Variants in SYBU observed in about 807,000 individuals in gnomAD.
SYBU encodes the protein syntabulin, also known as GOLSYN A protein.
Under a neutral mutation model 35.9 loss-of-function variants are expected in SYBU, and 21 were observed. The ratio of observed to expected loss-of-function variants is 0.58; its 90% CI spans 0.41 to 0.84. The LOEUF is 0.84. Among genes scored for constraint, SYBU ranks in the 40% least tolerant of loss-of-function variants. SYBU has a pLI of 0.00. For missense variants in SYBU, 768 were observed against 848.2 expected, an observed-to-expected ratio of 0.91 and a Z score of 1.17; for synonymous variants, 319 against 324.3, an observed-to-expected ratio of 0.98 and a Z score of 0.18.
In SYBU at chr8:109,659,903, A is replaced by G. The variant is rs181802078; in HGVS notation, c.-129+20808T>C. ...TTTTTTAATTTATTGACCAGATCCT[A>G]AGTAAATTTATTATGTGCAAATATA... On this transcript the variant is annotated intron_variant, in intron 1 of 5. Coordinates refer to the SYBU transcript ENST00000408889. Among the ~76,000 whole-genome samples the G allele has an allele frequency of 1.4e-4, 21 of 152,280 alleles. No individual in the cohort carries two copies. The East Asian group carries it at 4.0e-3, about 29-fold the overall frequency.
At position 109,623,471 on chromosome 8, in the gene SYBU, T is replaced by C. The variant is rs183740993; in HGVS notation, c.230-4432A>G. Among the ~76,000 whole-genome samples the C allele has an allele frequency of 1.1e-3, 171 of 152,260 alleles. 2 individuals carry two copies. The East Asian group carries it at 0.03, about 27-fold the overall frequency. Reference sequence around the variant, plus strand: ...GGTTGTGGGCTATCTAAAGTACTGTTAAAAATATATGTCTATGGAATGGAA... The same window carrying C: ...GGTTGTGGGCTATCTAAAGTACTGTCAAAAATATATGTCTATGGAATGGAA... On this transcript the variant is annotated intron_variant, in intron 2 of 6. Coordinates refer to ENST00000276646, the MANE Select transcript of SYBU (RefSeq NM_001099754.2).
upstream of SYBU, chr8:109,648,074 T>G (rs1028512386): frequency 1.3e-5 from 2 of 152,112 alleles, no homozygotes; most frequent in Middle Eastern, 3.2e-3. Flanking sequence ...TGGTCTTCTT[T>G]CCCCTGCTTT....
At chr8:109,674,620 A>C (rs1817116893) in intron 1 of SYBU, among the ~76,000 whole-genome samples, 2 of 152,112 alleles carry the variant, frequency 1.3e-5, no homozygotes, top group African/African-American at 4.8e-5. Context: ...AAGAAACTGC[A>C]TCAACTAATG....
At chr8:109,670,214 G>A (rs1260119196) in intron 1 of SYBU, among the ~76,000 whole-genome samples, 2 of 151,808 alleles carry the variant, frequency 1.3e-5, no homozygotes, top group African/African-American at 4.8e-5. Flanking sequence ...TGAATACTAA[G>A]CAGTTTAAAT....
chr8:109,665,340 C>T (rs1006305083), intron 1 of SYBU, among the ~76,000 whole-genome samples: 3 of 152,162 alleles, frequency 2.0e-5, no homozygotes, highest in Admixed American at 6.5e-5. Flanking sequence ...GCTTGATAAC[C>T]GTGTGCCTCA....
At chr8:109,577,223 T>C (rs1409092783) in intron 6 of SYBU, among the ~76,000 whole-genome samples, 1 of 152,298 alleles carries the variant, frequency 6.6e-6, no homozygotes, top group East Asian at 1.9e-4. Context: ...ACCCTCACCC[T>C]GAGCTCACAG....
At chr8:109,682,776 C>T (rs1458013997), upstream of SYBU, among the ~76,000 whole-genome samples, 1 of 152,164 alleles carries the variant, frequency 6.6e-6, no homozygotes, top group East Asian at 1.9e-4. Flanking sequence ...ATCACAGACC[C>T]AGAGGCCTAG....
intron 3 of SYBU, among the ~76,000 whole-genome samples, chr8:109,603,140 T>G (rs1825717743): frequency 6.6e-6 from 1 of 152,182 alleles, no homozygotes; most frequent in South Asian, 2.1e-4. Context: ...CTGTCTTCCT[T>G]CTCGAGCTGG....
intron 2 of SYBU, among the ~76,000 whole-genome samples, chr8:109,628,262 C>A (rs545490745): frequency 6.6e-6 from 1 of 151,876 alleles, no homozygotes; most frequent in Admixed American, 6.6e-5. Context: ...AATCCCAGCA[C>A]TTTTGGGAGG....
At chr8:109,680,940 A>C (rs1388726585) in exon 1 of SYBU, 1 of 152,248 alleles carries the variant, frequency 6.6e-6, no homozygotes, top group Non-Finnish European at 1.5e-5. Flanking sequence ...TGCAGTTTGC[A>C]TTCCTGCTTA....
chr8:109,684,839 C>T (rs189579941), upstream of SYBU, among the ~76,000 whole-genome samples: 206 of 152,264 alleles, frequency 1.4e-3, 2 homozygotes, highest in African/African-American at 4.2e-3. Flanking sequence ...GGATTTTATG[C>T]TTTTCCCCAT....
Position 109,618,988 on chromosome 8 carries a change from G to A in SYBU, c.281C>T (p.Ser94Leu), listed in dbSNP as rs1292829735. The change falls in exon 3 of 7, where the codon TCA (serine) becomes TTA (leucine). Residue 94 changes from serine (S) to leucine (L), a missense_variant. Physicochemically the swap from Ser to Leu is moderately radical, Grantham distance 145. Coordinates refer to ENST00000276646, the MANE Select transcript of SYBU (RefSeq NM_001099754.2). ...SQSVSPVKTP[S>L]DAGNSPIGFC... ...GCCAATGGGGCTGTTTCCAGCATCTGAGGGTGTCTTCACAGGAGACACTGA... is the reference window on the plus strand; with the variant it reads ...GCCAATGGGGCTGTTTCCAGCATCTAAGGGTGTCTTCACAGGAGACACTGA... 2 of 1,614,154 alleles carry A rather than the reference G, an allele frequency of 1.2e-6. No homozygotes were observed. Among genetic ancestry groups the A allele is most frequent in the Admixed American group, 1.7e-5 (1 of 60,028 alleles).
Position 109,586,179 on chromosome 8 carries a change from G to C in SYBU, c.428-17C>G. On this transcript the variant is annotated splice_polypyrimidine_tract_variant and intron_variant, in intron 3 of 6. Transcript: ENST00000276646. ...CTTCACTACCTGAAAAACAACAGGG[G>C]AGAGAGAAGCGTGAGGGAAAGGAAA... 6.3e-7 allele frequency: 1 copy of C among 1,579,184 alleles called. No individual in the cohort carries two copies. Among genetic ancestry groups the C allele is most frequent in the Non-Finnish European group, 8.6e-7 (1 of 1,157,576 alleles).
At chr8:109,577,613 C>T (rs1822483856) in intron 6 of SYBU, among the ~76,000 whole-genome samples, 1 of 151,610 alleles carries the variant, frequency 6.6e-6, no homozygotes, top group South Asian at 2.1e-4. Context: ...CACTGCAAAA[C>T]AACAACAACA....
intron 1 of SYBU, among the ~76,000 whole-genome samples, chr8:109,687,408 T>C (rs937362657): frequency 1.3e-5 from 2 of 152,170 alleles, no homozygotes; most frequent in African/African-American, 4.8e-5. Flanking sequence ...TACAATCTCA[T>C]CTCATACAAA....
intron 3 of SYBU, among the ~76,000 whole-genome samples, chr8:109,607,688 A>T (rs1243850850): frequency 6.6e-6 from 1 of 152,210 alleles, no homozygotes; most frequent in Non-Finnish European, 1.5e-5. Flanking sequence ...GACAAAGAGT[A>T]TTTAAAATAA....
At chr8:109,607,919 T>A in intron 3 of SYBU, 1 of 1,523,086 alleles carries the variant, frequency 6.6e-7, no homozygotes, top group Non-Finnish European at 8.8e-7. Context: ...ACTTAGAAGG[T>A]AAGCTCCATA....
At chr8:109,607,808 TCACACACACACACACA>T (rs71305960) in intron 3 of SYBU, 67 of 377,192 alleles carry the variant, frequency 1.8e-4, no homozygotes, top group South Asian at 1.1e-3. Flanking sequence ...CACAACTAAC[TCACACACACACACACA>T]CACACACACA....
intron 5 of SYBU, 53 bp downstream of exon 5, chr8:109,579,746 A>T: frequency 6.6e-7 from 1 of 1,510,448 alleles, no homozygotes; most frequent in Non-Finnish European, 9.1e-7. Flanking sequence ...TTTAAAGAAA[A>T]GCTTACCAAG....
Sources: allele counts gnomAD v4.1 joint callset (sites outside exome capture counted in the v4.1 genomes callset), GRCh38; gene constraint gnomAD v4.1.1; transcripts MANE v1.5; gene names NCBI Gene and HGNC (gene_info 2026-07-23, HGNC 2026-07-21).